The following PHIP variants were observed in gnomAD, a reference collection of about 807,000 sequenced individuals.
PHIP encodes the protein PHIP subunit of CUL4-Ring ligase complex.
A neutral mutation model predicts 236.8 loss-of-function variants in PHIP; 54 were observed. The ratio of observed to expected loss-of-function variants is 0.23; its 90% CI spans 0.18 to 0.29. The LOEUF is 0.29. Ranked by LOEUF, PHIP falls within the 10% of genes least tolerant of loss-of-function variation. PHIP has a pLI of 1.00. For missense variants in PHIP, 1,370 were observed against 2,190.8 expected, an observed-to-expected ratio of 0.63 and a Z score of 7.48; for synonymous variants, 756 against 718.9, an observed-to-expected ratio of 1.05 and a Z score of -0.83.
rs761634382 is a variant in PHIP at position 79,077,499 on chromosome 6, G to C, written c.138C>G (p.Pro46=). 1 of 1,554,532 alleles carries C rather than the reference G, an allele frequency of 6.4e-7. No individual in the cohort carries two copies. The highest frequency in any genetic ancestry group is 8.7e-7 in the Non-Finnish European group (1 of 1,149,426). Residue 46 remains proline (P), a synonymous_variant, in exon 4 of 40, where the codon CCC becomes CCG. Transcript: ENST00000275034. Reference sequence around the variant, plus strand: ...CCTTCCCGGTCCAGTCGGTGCGCCGGGGCAGCAGCTGCGGGGAGAGGACAC... The same window carrying C: ...CCTTCCCGGTCCAGTCGGTGCGCCGCGGCAGCAGCTGCGGGGAGAGGACAC... ...IREVAEKELL[P]RRTDWTGKEH...
intron 7 of PHIP, among the ~76,000 whole-genome samples, chr6:79,026,783 T>C (rs1053212884): frequency 6.6e-6 from 1 of 151,916 alleles, no homozygotes; most frequent in African/African-American, 2.4e-5. Flanking sequence ...TATTTACAAA[T>C]GAACATTCCC....
intron 7 of PHIP, among the ~76,000 whole-genome samples, chr6:79,032,654 C>T (rs1317687341): frequency 6.6e-6 from 1 of 151,982 alleles, no homozygotes; most frequent in Non-Finnish European, 1.5e-5. Context: ...AGTTAACTTC[C>T]TCCACTGAAG....
Position 78,954,872 on chromosome 6 carries a change from A to G in PHIP, c.3995T>C (p.Ile1332Thr). 1 of 1,585,640 alleles carries G rather than the reference A, an allele frequency of 6.3e-7. No homozygotes were observed. Among genetic ancestry groups the G allele is most frequent in the Non-Finnish European group, 8.6e-7 (1 of 1,168,312 alleles). The change falls in exon 35 of 40, where the codon ATA becomes ACA. Residue 1332 changes from isoleucine (I) to threonine (T), a missense_variant. Coordinates refer to ENST00000275034, the MANE Select transcript of PHIP (RefSeq NM_017934.7). ...AGGCTCTGAATCTTCACATTGAAAT[A>G]TGAGATTTAACAATTCTTCACACTG... ...KKQCEELLNL[I>T]FQCEDSEPFR...
chr6:79,029,853 C>G (rs987162662), intron 7 of PHIP, among the ~76,000 whole-genome samples: 1 of 152,066 alleles, frequency 6.6e-6, no homozygotes, highest in South Asian at 2.1e-4. Flanking sequence ...AATTAAAAAT[C>G]GATAAATATG....
At position 79,013,719 on chromosome 6, in the gene PHIP, C is replaced by T. The variant is rs189345267; in HGVS notation, c.1524+1363G>A. 2.7e-3 allele frequency among the ~76,000 whole-genome samples: 411 copies of T among 151,562 alleles called. 2 individuals carry two copies. Among genetic ancestry groups the T allele is most frequent in the African/African-American group, 7.1e-3 (296 of 41,442 alleles). On this transcript the variant is annotated intron_variant, in intron 15 of 39. Transcript: ENST00000275034. ...CCTTTATATAACTGAAAAGTTAAAG[C>T]GGTATTCAATTATGGGAGAAAAGTT...
chr6:78,955,347 T>C, intron 33 of PHIP, 65 bp from the exon 34 acceptor site: 1 of 1,125,980 alleles, frequency 8.9e-7, no homozygotes, highest in Non-Finnish European at 1.3e-6. Context: ...TATAGTTGAT[T>C]AACTAGCAAT....
chr6:79,038,657 T>C (rs1409106657), intron 7 of PHIP, among the ~76,000 whole-genome samples: 1 of 21,886 alleles, frequency 4.6e-5, no homozygotes, highest in Non-Finnish European at 1.6e-4. Context: ...TTGACTCTTC[T>C]TTTGTCTGCT....
chr6:78,990,283 A>T (rs1769143073), intron 20 of PHIP, among the ~76,000 whole-genome samples: 1 of 152,240 alleles, frequency 6.6e-6, no homozygotes, highest in African/African-American at 2.4e-5. Context: ...AAAAAAGGAA[A>T]AAGCGATATT....
chr6:79,031,583 C>T (rs898101361), intron 7 of PHIP, among the ~76,000 whole-genome samples: 1 of 152,168 alleles, frequency 6.6e-6, no homozygotes, highest in Non-Finnish European at 1.5e-5. Context: ...AACAATTTGG[C>T]TTCAAGTACT....
chr6:79,042,944 T>A lies in PHIP; in HGVS notation c.499A>T (p.Thr167Ser), dbSNP rs748247534. 3 of 1,612,392 alleles carry A rather than the reference T, an allele frequency of 1.9e-6. No individual in the cohort carries two copies. The Admixed American group carries it at 5.0e-5, about 27-fold the overall frequency. The change falls in exon 7 of 40, where the codon ACT becomes TCT. Residue 167 changes from threonine to serine, a missense_variant. Physicochemically the swap from Thr to Ser is moderately conservative, Grantham distance 58 (BLOSUM62 1). Transcript: ENST00000275034. ...GKYRLERLVP[T>S]AVYQHMKMHK... is the part of the protein sequence containing the mutation. ...ATTTTCATGTGCTGATACACTGCAG[T>A]TGGAACAAGTCGCTCAAGTCTGTAT... is the stretch of plus-strand genomic sequence containing the variant.
chr6:79,074,744 A>G (rs1273726109), intron 4 of PHIP, among the ~76,000 whole-genome samples: 1 of 152,138 alleles, frequency 6.6e-6, no homozygotes. Flanking sequence ...TGAACGCATC[A>G]ATTTTAACCT....
chr6:79,057,668 C>A (rs1344487963), intron 6 of PHIP, among the ~76,000 whole-genome samples: 1 of 151,858 alleles, frequency 6.6e-6, no homozygotes, highest in African/African-American at 2.4e-5. Context: ...ACCACACTGA[C>A]CAAGGAAAGA....
At chr6:79,056,236 A>T (rs1463974185) in intron 6 of PHIP, among the ~76,000 whole-genome samples, 1 of 152,242 alleles carries the variant, frequency 6.6e-6, no homozygotes, top group East Asian at 1.9e-4. Flanking sequence ...TGAGTTTTAA[A>T]GGATAAACAG....
intron 32 of PHIP, chr6:78,957,579 TAAAAA>T (rs753478883): frequency 3.9e-4 from 52 of 131,934 alleles, no homozygotes; most frequent in Non-Finnish European, 7.6e-4. Flanking sequence ...GGATGTTTAT[TAAAAA>T]AAAAAAAAAA....
intron 4 of PHIP, among the ~76,000 whole-genome samples, chr6:79,067,180 C>A (rs1464918418): frequency 6.6e-6 from 1 of 152,196 alleles, no homozygotes; most frequent in Non-Finnish European, 1.5e-5. Context: ...AGCCACCATG[C>A]CTAGCTCTCA....
Position 78,965,710 on chromosome 6 carries a change from A to G in PHIP, c.3372T>C (p.Pro1124=). Residue 1124 remains proline (P), a synonymous_variant, in exon 29 of 40, where the codon CCT becomes CCC. Coordinates refer to ENST00000275034, the MANE Select transcript of PHIP (RefSeq NM_017934.7). The stretch of plus-strand genomic sequence containing the variant: ...AGCCTAACACACACTTACCATTATT[A>G]GGTATAAGCTCCATATCCCAAGGAC... ...KMSPWDMELI[P]NNAVFPEELG... 6.5e-7 allele frequency: 1 copy of G among 1,535,790 alleles called. No individual in the cohort carries two copies. The highest frequency in any genetic ancestry group is 9.0e-7 in the Non-Finnish European group (1 of 1,114,550).
chr6:79,058,491 GTTA>G (rs1773188825), intron 6 of PHIP, among the ~76,000 whole-genome samples: 1 of 152,048 alleles, frequency 6.6e-6, no homozygotes, highest in Non-Finnish European at 1.5e-5. Flanking sequence ...GTAGCCAAGT[GTTA>G]TTATTAATAA....
chr6:79,007,941 T>A (rs371310730), intron 15 of PHIP, among the ~76,000 whole-genome samples: 1 of 151,996 alleles, frequency 6.6e-6, no homozygotes, highest in Non-Finnish European at 1.5e-5. Flanking sequence ...AGATGTATAT[T>A]TGAAATAAGT....
intron 39 of PHIP, among the ~76,000 whole-genome samples, chr6:78,943,215 C>CTTG (rs1305738164): frequency 2.6e-5 from 4 of 152,048 alleles, no homozygotes; most frequent in African/African-American, 7.2e-5. Flanking sequence ...CACTAGACAA[C>CTTG]ACTGCTTGAT....
Sources: allele counts gnomAD v4.1 joint callset (sites outside exome capture counted in the v4.1 genomes callset), GRCh38; gene constraint gnomAD v4.1.1; transcripts MANE v1.5; gene names NCBI Gene and HGNC (gene_info 2026-07-23, HGNC 2026-07-21).